Variants in MAP3K9 observed in about 807,000 individuals in gnomAD.
MAP3K9 encodes mixed lineage kinase 1 (tyr and ser/thr specificity).
A neutral mutation model predicts 95.8 loss-of-function variants in MAP3K9; 46 were observed. The observed-to-expected ratio is 0.48, with a 90% CI of 0.38 to 0.61. The LOEUF (loss-of-function observed/expected upper bound fraction) is 0.61, where lower values mean the gene tolerates loss of function less well. Ranked by LOEUF, MAP3K9 falls within the 20% of genes least tolerant of loss-of-function variation. The pLI is 0.00. For missense variants in MAP3K9, 1,296 were observed against 1,474.3 expected (o/e 0.88, Z 1.98); for synonymous variants, 533 against 593.8 (o/e 0.90, Z 1.49).
intron 2 of MAP3K9, among the ~76,000 whole-genome samples, chr14:70,796,726 A>C (rs2054868491): frequency 6.6e-6 from 1 of 152,122 alleles, no homozygotes; most frequent in Non-Finnish European, 1.5e-5. Context: ...CTCATCCTTC[A>C]GGCCTGTGAC....
At chr14:70,752,272 T>A (rs1211240239) in intron 3 of MAP3K9, among the ~76,000 whole-genome samples, 1 of 152,232 alleles carries the variant, frequency 6.6e-6, no homozygotes, top group Non-Finnish European at 1.5e-5. Flanking sequence ...GCTGTTTGTC[T>A]GCTAGCCTAT....
chr14:70,752,652 G>A (rs767769674), intron 3 of MAP3K9, among the ~76,000 whole-genome samples: 1 of 152,090 alleles, frequency 6.6e-6, no homozygotes, highest in Non-Finnish European at 1.5e-5. Context: ...CTCCATCCTG[G>A]AGAATAAAAA....
intron 2 of MAP3K9, among the ~76,000 whole-genome samples, chr14:70,791,338 T>C (rs192525638): frequency 1.3e-5 from 2 of 152,144 alleles, no homozygotes; most frequent in East Asian, 3.9e-4. Flanking sequence ...AGCACAGCAT[T>C]ATGAGAGCTT....
intron 2 of MAP3K9, among the ~76,000 whole-genome samples, chr14:70,787,822 C>T (rs1396332737): frequency 3.9e-5 from 6 of 152,114 alleles, no homozygotes; most frequent in African/African-American, 1.4e-4. Context: ...AAAAAACACA[C>T]AAACAAAACA....
At chr14:70,754,418 C>T (rs965481721) in intron 3 of MAP3K9, among the ~76,000 whole-genome samples, 1 of 152,014 alleles carries the variant, frequency 6.6e-6, no homozygotes, top group Admixed American at 6.6e-5. Flanking sequence ...ATTTTCTTTC[C>T]CTATCTTTTC....
intron 11 of MAP3K9, among the ~76,000 whole-genome samples, chr14:70,732,124 T>G (rs1438910098): frequency 6.6e-6 from 1 of 152,156 alleles, no homozygotes; most frequent in Non-Finnish European, 1.5e-5. Context: ...ATCCCAGCTA[T>G]GTGGCAGAAA....
chr14:70,770,141 G>A (rs1377887936), intron 2 of MAP3K9, among the ~76,000 whole-genome samples: 1 of 152,036 alleles, frequency 6.6e-6, no homozygotes, highest in Non-Finnish European at 1.5e-5. Flanking sequence ...TGGTGGTAGG[G>A]GTCAAGGTAA....
chr14:70,742,911 T>TATATATATATA (rs2054094808), intron 5 of MAP3K9, among the ~76,000 whole-genome samples: 8 of 143,088 alleles, frequency 5.6e-5, no homozygotes, highest in African/African-American at 1.8e-4. Flanking sequence ...TTATATATAT[T>TATATATATATA]TATATATATA....
Position 70,735,405 on chromosome 14 carries a change from A to G in MAP3K9, c.1913+556T>C, listed in dbSNP as rs957858072. Among the ~76,000 whole-genome samples the G allele has an allele frequency of 2.4e-4, 36 of 150,796 alleles. 1 individual carries two copies. Among genetic ancestry groups the G allele is most frequent in the Non-Finnish European group, 1.0e-4 (7 of 67,920 alleles). On this transcript the variant is annotated intron_variant, in intron 9 of 11. Transcript: ENST00000554752. Reference sequence around the variant, plus strand: ...TTTTAAGTCTAGGAAGAATCATTCAACTAAAGACCACTTTCCCCAAAGTCC... The same window carrying G: ...TTTTAAGTCTAGGAAGAATCATTCAGCTAAAGACCACTTTCCCCAAAGTCC...
At position 70,723,590 on chromosome 14, in the gene MAP3K9, G is replaced by C. The variant is rs1301192847; in HGVS notation, c.*6790C>G. On this transcript the variant is annotated 3_prime_UTR_variant, in exon 12 of 12. Transcript: ENST00000554752. ...TAGTGGCTTAGAAATGTGCTCAGAG[G>C]AAAAAGAGAGGTGACTTTGGAACCA... is the stretch of plus-strand genomic sequence containing the variant. 6.6e-6 allele frequency: 1 copy of C among 152,136 alleles called. No homozygotes were observed. Among genetic ancestry groups the C allele is most frequent in the Non-Finnish European group, 1.5e-5 (1 of 68,034 alleles). 9.4% of individuals were successfully genotyped at this position (152,136 alleles called of 1,614,324 possible). A position where few individuals can be genotyped will look rare whatever the true frequency, so the allele number is the denominator to read the frequency against.
intron 2 of MAP3K9, among the ~76,000 whole-genome samples, chr14:70,782,146 G>T (rs1724793528): frequency 6.6e-6 from 1 of 152,074 alleles, no homozygotes; most frequent in African/African-American, 2.4e-5. Context: ...TTGACACGCT[G>T]CCCCCTACTA....
chr14:70,773,609 C>T (rs2054558221), intron 2 of MAP3K9, among the ~76,000 whole-genome samples: 1 of 152,206 alleles, frequency 6.6e-6, no homozygotes, highest in Non-Finnish European at 1.5e-5. Flanking sequence ...ATTGTAGGTG[C>T]TTTCTGTAAC....
At chr14:70,801,127 A>G (rs971525447) in intron 1 of MAP3K9, 47 bp from the exon 2 acceptor site, 1 of 1,557,630 alleles carries the variant, frequency 6.4e-7, no homozygotes, top group African/African-American at 1.4e-5. Flanking sequence ...CATCTTGAAA[A>G]CATCGTATTT....
At chr14:70,778,116 G>A (rs1464291803) in intron 2 of MAP3K9, among the ~76,000 whole-genome samples, 1 of 151,808 alleles carries the variant, frequency 6.6e-6, no homozygotes, top group Non-Finnish European at 1.5e-5. Flanking sequence ...TGTTGTTGTT[G>A]TTTTGAGACA....
At chr14:70,744,434 C>T (rs1215606977) in intron 5 of MAP3K9, among the ~76,000 whole-genome samples, 1 of 152,150 alleles carries the variant, frequency 6.6e-6, no homozygotes, top group Admixed American at 6.5e-5. Context: ...CATAAATCAT[C>T]CTCCAGGTAA....
intron 3 of MAP3K9, among the ~76,000 whole-genome samples, chr14:70,756,506 C>T (rs1047367881): frequency 1.3e-5 from 2 of 152,212 alleles, no homozygotes; most frequent in Non-Finnish European, 2.9e-5. Context: ...CCAGCTAGAA[C>T]GTACATTTTT....
intron 5 of MAP3K9, 106 bp downstream of exon 5, chr14:70,748,723 G>C (rs2139750739): frequency 1.2e-6 from 1 of 800,532 alleles, no homozygotes. Flanking sequence ...AATCAAGATG[G>C]TCAGTCAGAC....
rs556088093 is a variant in MAP3K9, at chr14:70,801,552, G to A, written c.407-472C>T. Among the ~76,000 whole-genome samples the A allele has an allele frequency of 6.6e-5, 10 of 152,294 alleles. 1 individual carries two copies. The highest frequency in any genetic ancestry group is 2.0e-4 in the Admixed American group (3 of 15,290). Reference sequence around the variant, plus strand: ...CAGGCATGAGCCACTGCACCTGGCCGAGATCCTTTCTTTGAGACTTACTCA... The same window carrying A: ...CAGGCATGAGCCACTGCACCTGGCCAAGATCCTTTCTTTGAGACTTACTCA... On this transcript the variant is annotated intron_variant, in intron 1 of 11. Transcript: ENST00000554752.
At chr14:70,795,022 C>G (rs2054848593) in intron 2 of MAP3K9, among the ~76,000 whole-genome samples, 1 of 64,284 alleles carries the variant, frequency 1.6e-5, no homozygotes, top group Non-Finnish European at 3.2e-5. Flanking sequence ...GAGATAGAGA[C>G]TCACTCTGTT....
Sources: gnomAD v4.1 joint callset for allele counts (sites outside exome capture counted in the v4.1 genomes callset) on GRCh38, gnomAD v4.1.1 for gene constraint, MANE v1.5 for transcripts, NCBI Gene and HGNC (gene_info 2026-07-23, HGNC 2026-07-21) for gene names.